The following ABCB5 variants were observed in gnomAD, a reference collection of about 807,000 sequenced individuals.
The protein encoded by ABCB5 is ATP-binding cassette sub-family B member 5.
In ABCB5, 155 loss-of-function variants were observed where a neutral mutation model predicts 144.2. The ratio of observed to expected loss-of-function variants is 1.08; its 90% CI spans 0.94 to 1.23. The LOEUF (loss-of-function observed/expected upper bound fraction) is 1.23. Among genes scored for constraint, ABCB5 ranks in the 50% most tolerant of loss-of-function variants. ABCB5 has a pLI of 0.00. For synonymous variants in ABCB5, 610 were observed against 528.6 expected, an observed-to-expected ratio of 1.15 and a Z score of -2.11; for missense variants, 1,830 against 1,520.8, an observed-to-expected ratio of 1.20 and a Z score of -3.38.
At chr7:20,626,851 TGG>T (rs1491212970) in intron 3 of ABCB5, among the ~76,000 whole-genome samples, 19 of 115,674 alleles carry the variant, frequency 1.6e-4, no homozygotes, top group African/African-American at 2.9e-4. Flanking sequence ...AAAGTGTTTT[TGG>T]GGTGTGTGTG....
chr7:20,627,199 T>C (rs1783928742), intron 3 of ABCB5, among the ~76,000 whole-genome samples: 1 of 152,176 alleles, frequency 6.6e-6, no homozygotes, highest in Non-Finnish European at 1.5e-5. Flanking sequence ...GTCAATGTTA[T>C]GTCCCTACAA....
At chr7:20,619,282 G>T (rs1376652629) in intron 1 of ABCB5, among the ~76,000 whole-genome samples, 2 of 152,118 alleles carry the variant, frequency 1.3e-5, no homozygotes, top group African/African-American at 4.8e-5. Flanking sequence ...CACAGTGGCT[G>T]AACTAATTTA....
intron 14 of ABCB5, among the ~76,000 whole-genome samples, chr7:20,665,352 C>T (rs1162824353): frequency 6.6e-6 from 1 of 152,152 alleles, no homozygotes; most frequent in Non-Finnish European, 1.5e-5. Flanking sequence ...CGTGGTCTGA[C>T]AGTAACCCCA....
chr7:20,657,280 A>G (rs1301689704), intron 13 of ABCB5, among the ~76,000 whole-genome samples: 1 of 152,024 alleles, frequency 6.6e-6, no homozygotes, highest in East Asian at 1.9e-4. Flanking sequence ...CAGATAATGA[A>G]TAATTTTTTA....
chr7:20,700,898 TAG>T (rs760910377), intron 19 of ABCB5, among the ~76,000 whole-genome samples: 2 of 152,186 alleles, frequency 1.3e-5, no homozygotes, highest in Admixed American at 6.5e-5. Flanking sequence ...TTTTCAGAAA[TAG>T]AGTTACTGTC....
chr7:20,647,588 C>T lies in ABCB5; in HGVS notation c.1035C>T (p.His345=), dbSNP rs759339236. 86 of 1,590,412 alleles carry T rather than the reference C, an allele frequency of 5.4e-5. No individual in the cohort carries two copies. The East Asian group carries it at 1.8e-3, about 34-fold the overall frequency. Reference sequence around the variant, plus strand: ...ATTGCATTGGAGCAGCAGTCCCTCACTTTGAAACCTTCGCAATAGCCCGAG... The same window carrying T: ...ATTGCATTGGAGCAGCAGTCCCTCATTTTGAAACCTTCGCAATAGCCCGAG... ...SSYCIGAAVP[H]FETFAIARGA... The change falls in exon 10 of 28, where the codon CAC becomes CAT. Residue 345 remains histidine, a synonymous_variant. Coordinates refer to ENST00000404938, the MANE Select transcript of ABCB5 (RefSeq NM_001163941.2).
chr7:20,643,370 GA>G lies in ABCB5; in HGVS notation c.502del (p.Thr168GlnfsTer34), dbSNP rs750666662. 1.9e-6 allele frequency: 3 copies of G among 1,613,826 alleles called. No homozygotes were observed. The highest frequency in any genetic ancestry group is 2.7e-5 in the African/African-American group (2 of 74,932). ...ACATCGGTGAACTTAACACTCGCAT[GA>G]CAGAGTAAGAGGATGATATTGTAGT... Reference protein sequence around the residue: ...CDIGELNTRMTDDIDKISDGI... With the variant: ...CDIGELNTRMXDDIDKISDGI... On this transcript the variant is annotated frameshift_variant, in exon 6 of 28. Transcript: ENST00000404938. LOFTEE classifies it high-confidence loss of function.
intron 16 of ABCB5, among the ~76,000 whole-genome samples, chr7:20,696,290 T>C (rs1786412639): frequency 6.6e-6 from 1 of 152,126 alleles, no homozygotes; most frequent in Non-Finnish European, 1.5e-5. Flanking sequence ...AAAATAAGTA[T>C]GTTGAGCAAA....
intron 1 of ABCB5, 54 bp from the exon 2 acceptor site, chr7:20,623,211 A>C: frequency 4.8e-6 from 5 of 1,038,150 alleles, no homozygotes; most frequent in South Asian, 2.8e-5. Flanking sequence ...CTGTATATCA[A>C]CTAAGTGATA....
intron 17 of ABCB5, 126 bp from the exon 18 acceptor site, chr7:20,699,699 T>C: frequency 3.2e-6 from 2 of 617,766 alleles, no homozygotes; most frequent in Non-Finnish European, 5.3e-6. Context: ...AGAGCAAGAT[T>C]CTGTCTCATA....
At chr7:20,735,712 C>T (rs1782360328) in intron 23 of ABCB5, among the ~76,000 whole-genome samples, 1 of 152,148 alleles carries the variant, frequency 6.6e-6, no homozygotes, top group Non-Finnish European at 1.5e-5. Flanking sequence ...GTAACAAACT[C>T]CAACATGTAG....
intron 15 of ABCB5, 63 bp from the exon 16 acceptor site, chr7:20,685,633 A>G: frequency 5.6e-6 from 8 of 1,424,414 alleles, no homozygotes; most frequent in Non-Finnish European, 7.6e-6. Context: ...AGAGATGCTT[A>G]ATAAGTTTCC....
intron 14 of ABCB5, among the ~76,000 whole-genome samples, chr7:20,680,843 T>C (rs1220633939): frequency 6.6e-6 from 1 of 152,174 alleles, no homozygotes; most frequent in African/African-American, 2.4e-5. Flanking sequence ...TTTCTTTTTA[T>C]TCTAATTTCT....
chr7:20,705,740 A>G (rs867341293), intron 20 of ABCB5, among the ~76,000 whole-genome samples: 2 of 151,924 alleles, frequency 1.3e-5, no homozygotes, highest in Non-Finnish European at 1.5e-5. Context: ...AACTAAAGCA[A>G]CCCATCAGAA....
At chr7:20,718,436 T>C (rs926754903) in intron 20 of ABCB5, among the ~76,000 whole-genome samples, 2 of 152,218 alleles carry the variant, frequency 1.3e-5, no homozygotes, top group Non-Finnish European at 2.9e-5. Context: ...CCAGGCTACC[T>C]TGTCGATCTT....
At chr7:20,703,250 C>T (rs181923753) in intron 19 of ABCB5, among the ~76,000 whole-genome samples, 10 of 152,164 alleles carry the variant, frequency 6.6e-5, no homozygotes, top group Admixed American at 5.9e-4. Flanking sequence ...AGAGAGAGAA[C>T]ACAATAAAAA....
intron 10 of ABCB5, 21 bp downstream of exon 10, chr7:20,647,669 G>A: frequency 6.5e-7 from 1 of 1,547,586 alleles, no homozygotes; most frequent in South Asian, 1.2e-5. Flanking sequence ...TTATTGCTTT[G>A]AAGAATAACT....
At chr7:20,686,559 C>T (rs1247228764) in intron 16 of ABCB5, among the ~76,000 whole-genome samples, 1 of 152,148 alleles carries the variant, frequency 6.6e-6, no homozygotes, top group African/African-American at 2.4e-5. Context: ...TTAATCTCAC[C>T]TTAACCCATG....
At chr7:20,670,844 G>A (rs1785443304) in intron 14 of ABCB5, among the ~76,000 whole-genome samples, 1 of 152,304 alleles carries the variant, frequency 6.6e-6, no homozygotes, top group South Asian at 2.1e-4. Context: ...GGGAGGCGGA[G>A]GTTGCAGTGA....
Sources: gnomAD v4.1 joint callset for allele counts (sites outside exome capture counted in the v4.1 genomes callset) on GRCh38, gnomAD v4.1.1 for gene constraint, MANE v1.5 for transcripts, NCBI Gene and HGNC (gene_info 2026-07-23, HGNC 2026-07-21) for gene names.